The following ROBO1 variants were observed in gnomAD, a reference collection of about 807,000 sequenced individuals.
The protein encoded by ROBO1 is roundabout guidance receptor 1.
In ROBO1, 149 loss-of-function variants were observed where a neutral mutation model predicts 195.9. The ratio of observed to expected loss-of-function variants is 0.76; its 90% CI spans 0.67 to 0.87. ROBO1 has a LOEUF of 0.87. Among genes scored for constraint, ROBO1 ranks in the 40% least tolerant of loss-of-function variants. The pLI is 0.00. For synonymous variants in ROBO1, 816 were observed against 733.2 expected, an observed-to-expected ratio of 1.11 and a Z score of -1.82; for missense variants, 1,933 against 2,068.3, an observed-to-expected ratio of 0.93 and a Z score of 1.27.
intron 1 of ROBO1, among the ~76,000 whole-genome samples, chr3:79,764,277 A>G (rs539160177): frequency 3.4e-4 from 52 of 152,334 alleles, no homozygotes; most frequent in Non-Finnish European, 6.5e-4. Context: ...GCACTAATAT[A>G]TTTTAGGTAC....
chr3:79,497,617 GA>G (rs1013222720), intron 2 of ROBO1, among the ~76,000 whole-genome samples: 2 of 152,026 alleles, frequency 1.3e-5, no homozygotes, highest in Non-Finnish European at 2.9e-5. Flanking sequence ...ATTTATTGAT[GA>G]AAAAAGATTA....
chr3:78,885,252 C>CTCT (rs1241993990), intron 4 of ROBO1, among the ~76,000 whole-genome samples: 1 of 151,570 alleles, frequency 6.6e-6, no homozygotes, highest in East Asian at 1.9e-4. Flanking sequence ...ACAGTGGGGT[C>CTCT]TCTTGTGGGG....
At chr3:79,607,749 T>A (rs1944534955) in intron 1 of ROBO1, among the ~76,000 whole-genome samples, 1 of 152,022 alleles carries the variant, frequency 6.6e-6, no homozygotes, top group East Asian at 1.9e-4. Context: ...ATATTTTAAA[T>A]AGATTTAATT....
At chr3:79,566,241 T>C (rs1943086400) in intron 2 of ROBO1, among the ~76,000 whole-genome samples, 1 of 152,178 alleles carries the variant, frequency 6.6e-6, no homozygotes, top group South Asian at 2.1e-4. Flanking sequence ...TTACATCATA[T>C]TGTTGCCAAC....
chr3:78,940,518 T>A (rs1304536541), intron 3 of ROBO1, among the ~76,000 whole-genome samples: 1 of 152,224 alleles, frequency 6.6e-6, no homozygotes, highest in Non-Finnish European at 1.5e-5. Flanking sequence ...GTCTTCAGCC[T>A]GACTTCTCTT....
intron 2 of ROBO1, among the ~76,000 whole-genome samples, chr3:79,354,218 T>C (rs1198800129): frequency 6.6e-6 from 1 of 152,148 alleles, no homozygotes; most frequent in Non-Finnish European, 1.5e-5. Context: ...TTTAAACTTG[T>C]CTCATCTACA....
chr3:79,718,483 G>T (rs917080448), intron 1 of ROBO1, among the ~76,000 whole-genome samples: 1 of 151,780 alleles, frequency 6.6e-6, no homozygotes, highest in African/African-American at 2.4e-5. Flanking sequence ...GTCCTAACAA[G>T]CAATAATGGG....
intron 2 of ROBO1, among the ~76,000 whole-genome samples, chr3:79,331,256 T>C (rs1023263913): frequency 6.6e-6 from 1 of 152,198 alleles, no homozygotes; most frequent in Non-Finnish European, 1.5e-5. Flanking sequence ...ACTCTTGAAT[T>C]CACCATTAAA....
At chr3:79,015,010 G>A (rs1281244881) in intron 3 of ROBO1, among the ~76,000 whole-genome samples, 2 of 152,050 alleles carry the variant, frequency 1.3e-5, no homozygotes, top group Non-Finnish European at 2.9e-5. Flanking sequence ...TTGTTAGTCT[G>A]AAATTTAGCA....
chr3:79,321,094 C>T (rs1049048931), intron 2 of ROBO1, among the ~76,000 whole-genome samples: 1 of 152,120 alleles, frequency 6.6e-6, no homozygotes, highest in African/African-American at 2.4e-5. Context: ...TTTGTCACTG[C>T]CAGATGCAAA....
At chr3:79,343,029 C>A (rs1469906326) in intron 2 of ROBO1, among the ~76,000 whole-genome samples, 1 of 152,178 alleles carries the variant, frequency 6.6e-6, no homozygotes, top group African/African-American at 2.4e-5. Context: ...CACACCCTAA[C>A]AACAATTGTT....
At chr3:78,781,915 G>C (rs1417814756) in intron 4 of ROBO1, among the ~76,000 whole-genome samples, 4 of 152,088 alleles carry the variant, frequency 2.6e-5, no homozygotes, top group Non-Finnish European at 5.9e-5. Flanking sequence ...ATGTACAAAA[G>C]TGTACATGCA....
chr3:78,631,641 C>T (rs1262758402), intron 24 of ROBO1, among the ~76,000 whole-genome samples: 1 of 152,126 alleles, frequency 6.6e-6, no homozygotes, highest in Non-Finnish European at 1.5e-5. Flanking sequence ...GAGTGCCTTT[C>T]TATTATTTAA....
At chr3:78,627,214 A>T in intron 26 of ROBO1, 107 bp downstream of exon 26, 1 of 1,247,484 alleles carries the variant, frequency 8.0e-7, no homozygotes, top group Non-Finnish European at 1.1e-6. Context: ...ACTGCCAGAA[A>T]AGGCTTATGA....
chr3:78,835,493 AT>A (rs2032630416), intron 4 of ROBO1, among the ~76,000 whole-genome samples: 1 of 152,202 alleles, frequency 6.6e-6, no homozygotes, highest in Non-Finnish European at 1.5e-5. Context: ...AGACATTGCT[AT>A]GACACAGTAG....
rs376050408 is a variant in ROBO1 at position 79,496,757 on chromosome 3, A to G, written c.88+93067T>C. 2.6e-5 allele frequency among the ~76,000 whole-genome samples: 4 copies of G among 152,192 alleles called. No homozygotes were observed. The South Asian group carries it at 8.3e-4, about 31-fold the overall frequency. On this transcript the variant is annotated intron_variant, in intron 2 of 30. Transcript: ENST00000464233. ...ATTATTAACTCAGTAAAAATTATGGAGAAAATGTTACTATTTCATTGCAAT... is the reference window on the plus strand; with the variant it reads ...ATTATTAACTCAGTAAAAATTATGGGGAAAATGTTACTATTTCATTGCAAT...
rs115507510 is a variant in ROBO1, at chr3:78,759,811, G to A, written c.500-12911C>T. Among the ~76,000 whole-genome samples, 254 of 151,904 alleles carry A rather than the reference G, an allele frequency of 1.7e-3. 1 individual carries two copies. Among genetic ancestry groups the A allele is most frequent in the African/African-American group, 5.9e-3 (246 of 41,388 alleles). ...TCTGAAAATGCACCATAGAAAGATC[G>A]AGGCATCTAAACAGCATGCCTTTTA... On this transcript the variant is annotated intron_variant, in intron 4 of 30. Coordinates refer to ENST00000464233, the MANE Select transcript of ROBO1 (RefSeq NM_002941.4).
intron 3 of ROBO1, among the ~76,000 whole-genome samples, chr3:79,104,921 T>C (rs1421914153): frequency 5.9e-5 from 9 of 151,740 alleles, no homozygotes. Context: ...ATATAATCCA[T>C]GAGAAGTTGC....
chr3:79,646,811 A>C (rs1945833292), intron 1 of ROBO1, among the ~76,000 whole-genome samples: 1 of 152,276 alleles, frequency 6.6e-6, no homozygotes, highest in African/African-American at 2.4e-5. Flanking sequence ...TCAAGCACAG[A>C]AGACAAATAT....
Sources: gnomAD v4.1 joint callset for allele counts (sites outside exome capture counted in the v4.1 genomes callset) on GRCh38, gnomAD v4.1.1 for gene constraint, MANE v1.5 for transcripts, NCBI Gene and HGNC (gene_info 2026-07-23, HGNC 2026-07-21) for gene names.